Variants in GEMIN5 observed in about 807,000 individuals in gnomAD.
GEMIN5 encodes gem-associated protein 5.
GEMIN5 carries 124 observed loss-of-function variants against 176.9 expected under a neutral mutation model. The ratio of observed to expected loss-of-function variants is 0.70; its 90% CI spans 0.61 to 0.81. The LOEUF (loss-of-function observed/expected upper bound fraction) is 0.81, where lower values mean the gene tolerates loss of function less well. Among genes scored for constraint, GEMIN5 ranks in the 40% least tolerant of loss-of-function variants. The probability of loss-of-function intolerance (pLI) is 0.00; values close to 1 mark genes in which losing one functional copy is unlikely to be tolerated. For missense variants in GEMIN5, 1,843 were observed against 1,814.6 expected, an observed-to-expected ratio of 1.02 and a Z score of -0.28; for synonymous variants, 673 against 665.2, an observed-to-expected ratio of 1.01 and a Z score of -0.18.
At position 154,913,159 on chromosome 5, in the gene GEMIN5, A is replaced by AT. The variant is rs1378507401; in HGVS notation, c.1856-122dup. On this transcript the variant is annotated intron_variant, in intron 13 of 27. Coordinates refer to ENST00000285873, the MANE Select transcript of GEMIN5 (RefSeq NM_015465.5). ...GATTTTGCCATACACTTTCTAGGTT[A>AT]TTTTTTTTTTGAGATGGAGTTTCGC... is the stretch of plus-strand genomic sequence containing the variant. 6.7e-3 allele frequency: 4,974 copies of AT among 747,696 alleles called. 1 individual carries two copies. The highest frequency in any genetic ancestry group is 7.7e-3 in the South Asian group (339 of 43,932). 46.3% of individuals were successfully genotyped at this position (747,696 alleles called of 1,614,324 possible).
chr5:154,897,111 C>A (rs1344275060), intron 23 of GEMIN5, among the ~76,000 whole-genome samples: 1 of 152,148 alleles, frequency 6.6e-6, no homozygotes, highest in African/African-American at 2.4e-5. Context: ...AAATTAAAAT[C>A]TTTCTAGACT....
At chr5:154,935,164 A>T (rs1277323728) in intron 3 of GEMIN5, among the ~76,000 whole-genome samples, 1 of 152,126 alleles carries the variant, frequency 6.6e-6, no homozygotes, top group African/African-American at 2.4e-5. Flanking sequence ...TACTCCCTTG[A>T]CCCCATCTAT....
Position 154,892,409 on chromosome 5 carries a change from C to T in GEMIN5, c.3738G>A (p.Val1246=), listed in dbSNP as rs569228592. The T allele has an allele frequency of 3.7e-6, 6 of 1,613,960 alleles. No individual in the cohort carries two copies. Among genetic ancestry groups the T allele is most frequent in the African/African-American group, 2.7e-5 (2 of 74,944 alleles). ...TACCGTCAGGGAGAAAGGCTGAGTA[C>T]ACTTCCTGCATGATGGTGAAGCTCC... The part of the protein sequence containing the change: ...DSGSFTIMQE[V]YSAFLPDGCD... The change falls in exon 25 of 28, where the codon GTG becomes GTA. Residue 1246 remains valine, a synonymous_variant. Transcript: ENST00000285873.
At chr5:154,935,589 C>G (rs1025445095) in intron 3 of GEMIN5, among the ~76,000 whole-genome samples, 1 of 151,980 alleles carries the variant, frequency 6.6e-6, no homozygotes, top group Admixed American at 6.6e-5. Flanking sequence ...ATTTCCTACA[C>G]GTAAAGGTTG....
At chr5:154,892,865 A>C (rs908095890) in intron 24 of GEMIN5, among the ~76,000 whole-genome samples, 2 of 151,826 alleles carry the variant, frequency 1.3e-5, no homozygotes, top group African/African-American at 4.8e-5. Flanking sequence ...TTGGGAGGCC[A>C]AGGTGGGCAG....
intron 5 of GEMIN5, among the ~76,000 whole-genome samples, chr5:154,929,188 C>T (rs1764108023): frequency 6.6e-6 from 1 of 152,184 alleles, no homozygotes; most frequent in South Asian, 2.1e-4. Context: ...CGTGCCACTG[C>T]ACTCCAGCCT....
chr5:154,907,725 T>A lies in GEMIN5; in HGVS notation c.2261A>T (p.Lys754Met). The A allele has an allele frequency of 6.2e-7, 1 of 1,614,158 alleles. No individual in the cohort carries two copies. Among genetic ancestry groups the A allele is most frequent in the Non-Finnish European group, 8.5e-7 (1 of 1,179,994 alleles). Residue 754 changes from lysine (K) to methionine (M), a missense_variant, in exon 16 of 28, where the codon AAG (lysine) becomes ATG (methionine). Transcript: ENST00000285873. ...TTCATTTCCATCAATCGATTCCAGC[T>A]TTACAGGAGTTCTCAAGGTGGGCTT... is the stretch of plus-strand genomic sequence containing the variant. ...KKKPTLRTPV[K>M]LESIDGNEEE... is the part of the protein sequence containing the mutation.
intron 11 of GEMIN5, among the ~76,000 whole-genome samples, 183 bp downstream of exon 11, chr5:154,919,784 C>T (rs957306937): frequency 5.9e-5 from 9 of 151,690 alleles, no homozygotes; most frequent in African/African-American, 2.2e-4. Flanking sequence ...TTGTTTTATT[C>T]GAGGATAAAG....
Position 154,891,725 on chromosome 5 carries a change from C to T in GEMIN5, c.3778G>A (p.Asp1260Asn). The T allele has an allele frequency of 6.3e-7, 1 of 1,596,536 alleles. No individual in the cohort carries two copies. Residue 1260 changes from aspartate (D) to asparagine (N), a missense_variant, in exon 26 of 28, where the codon GAC (aspartate) becomes AAC (asparagine). By Grantham distance (23) the Asp-to-Asn change is conservative. Transcript: ENST00000285873. ...GGGGATTGATGGTCCCCCAACTTGT[C>T]TCTTAGGTGGTCACAGCCTAGGAAA... ...FLPDGCDHLR[D>N]KLGDHQSPAT...
intron 24 of GEMIN5, among the ~76,000 whole-genome samples, chr5:154,894,200 CTCCCAAAG>C (rs892086346): frequency 1.1e-4 from 16 of 152,150 alleles, no homozygotes; most frequent in Admixed American, 3.3e-4. Context: ...CCGCGTTGGC[CTCCCAAAG>C]TGCTGGGATT....
intron 8 of GEMIN5, among the ~76,000 whole-genome samples, chr5:154,924,965 G>C (rs1464284983): frequency 6.6e-6 from 1 of 151,988 alleles, no homozygotes; most frequent in Non-Finnish European, 1.5e-5. Flanking sequence ...CTCCAGCCTG[G>C]GCGACAGAGT....
intron 10 of GEMIN5, among the ~76,000 whole-genome samples, chr5:154,921,017 AAG>A (rs1354167924): frequency 6.6e-6 from 1 of 152,096 alleles, no homozygotes; most frequent in Non-Finnish European, 1.5e-5. Flanking sequence ...TAAAATTAAA[AAG>A]AGACAGCAAG....
At chr5:154,897,616 T>G (rs978271578) in intron 23 of GEMIN5, among the ~76,000 whole-genome samples, 1 of 152,226 alleles carries the variant, frequency 6.6e-6, no homozygotes, top group Non-Finnish European at 1.5e-5. Flanking sequence ...GCCTCTCAAG[T>G]AGCCAAATTA....
intron 21 of GEMIN5, among the ~76,000 whole-genome samples, chr5:154,900,042 C>T (rs999848732): frequency 1.3e-5 from 2 of 151,890 alleles, no homozygotes; most frequent in African/African-American, 4.8e-5. Context: ...TAAAAACAAC[C>T]AACAGTATTT....
Position 154,888,373 on chromosome 5 carries a change from C to G in GEMIN5, c.4364G>C (p.Trp1455Ser). 1 of 1,612,742 alleles carries G rather than the reference C, an allele frequency of 6.2e-7. No individual in the cohort carries two copies. Among genetic ancestry groups the G allele is most frequent in the South Asian group, 1.1e-5 (1 of 90,984 alleles). ...MAKFPESIKA[W>S]PFPDVLECCL... ...GCACTCCAGCACATCTGGGAAGGGC[C>G]AGGCCTGAAAGACGATGACATGAGG... Residue 1455 changes from tryptophan (W) to serine (S), a missense_variant, in exon 28 of 28, where the codon TGG becomes TCG. Physicochemically the swap from Trp to Ser is radical, Grantham distance 177 (BLOSUM62 -3). Transcript: ENST00000285873.
intron 16 of GEMIN5, among the ~76,000 whole-genome samples, chr5:154,905,882 G>A (rs1162532438): frequency 2.6e-5 from 4 of 152,076 alleles, no homozygotes; most frequent in Admixed American, 2.6e-4. Flanking sequence ...GTAGAGACAG[G>A]GTTTCGCCAT....
chr5:154,912,974 G>T lies in GEMIN5; in HGVS notation c.1920C>A (p.Ala640=), dbSNP rs768061353. Residue 640 remains alanine (A), a synonymous_variant, in exon 14 of 28, where the codon GCC becomes GCA. Coordinates refer to ENST00000285873, the MANE Select transcript of GEMIN5 (RefSeq NM_015465.5). ...EPYRTLSGHT[A]KITSVAWSPH... ...GGCTCCACGCCACACTGGTAATCTT[G>T]GCCGTATGCCCTGAGAGGGTCCGGT... 7.4e-6 allele frequency: 12 copies of T among 1,613,492 alleles called. No individual in the cohort carries two copies. The East Asian group carries it at 2.7e-4, about 36-fold the overall frequency.
chr5:154,922,902 T>C (rs530808613), intron 9 of GEMIN5, among the ~76,000 whole-genome samples: 1 of 152,098 alleles, frequency 6.6e-6, no homozygotes, highest in African/African-American at 2.4e-5. Flanking sequence ...TTCACCGTGT[T>C]AGCCAGGATG....
intron 19 of GEMIN5, 52 bp downstream of exon 19, chr5:154,903,028 T>C (rs1763497035): frequency 8.5e-7 from 1 of 1,179,208 alleles, no homozygotes; most frequent in Non-Finnish European, 1.2e-6. Flanking sequence ...GCACACAAAA[T>C]GTTGGGAAAG....
Sources: allele counts gnomAD v4.1 joint callset (sites outside exome capture counted in the v4.1 genomes callset), GRCh38; gene constraint gnomAD v4.1.1; transcripts MANE v1.5; gene names NCBI Gene and HGNC (gene_info 2026-07-23, HGNC 2026-07-21).